Variants in FYB1 observed in about 807,000 individuals in gnomAD.
FYB1 encodes the protein FYN binding protein 1.
A neutral mutation model predicts 94.1 loss-of-function variants in FYB1; 41 were observed. That is an observed-to-expected ratio of 0.44 (90% CI 0.34 to 0.57). The LOEUF is 0.57. Ranked by LOEUF, FYB1 falls within the 20% of genes least tolerant of loss-of-function variation. The probability of loss-of-function intolerance (pLI) is 0.02; values close to 1 mark genes in which losing one functional copy is unlikely to be tolerated. For missense variants in FYB1, 1,050 were observed against 976.8 expected, an observed-to-expected ratio of 1.07 and a Z score of -1.00; for synonymous variants, 367 against 353.2, an observed-to-expected ratio of 1.04 and a Z score of -0.44.
chr5:39,146,086 T>C (rs1742625505), intron 3 of FYB1, among the ~76,000 whole-genome samples: 1 of 152,046 alleles, frequency 6.6e-6, no homozygotes, highest in Non-Finnish European at 1.5e-5. Flanking sequence ...GGCTAATTTT[T>C]GTATTTTTAA....
rs568059368 is a variant in FYB1 at position 39,182,272 on chromosome 5, TG to T, written c.1135+19553del. ...AGGTGGCACATACAAATGCTTTTTG[TG>T]TGTGTGTGCATGCATGTGTGTGTGT... is the stretch of plus-strand genomic sequence containing the variant. On this transcript the variant is annotated intron_variant, in intron 2 of 18. Coordinates refer to ENST00000512982, the MANE Select transcript of FYB1 (RefSeq NM_001465.6). Among the ~76,000 whole-genome samples the T allele has an allele frequency of 1.4e-4, 19 of 134,102 alleles. No homozygotes were observed. In the East Asian group the frequency reaches 2.8e-3, roughly 20 times the overall value. 88.0% of individuals were successfully genotyped at this position (134,102 alleles called of 152,430 possible). A position where few individuals can be genotyped will look rare whatever the true frequency, so the allele number is the denominator to read the frequency against.
Position 39,273,825 on chromosome 5 carries a change from A to C in FYB1, c.-28+578T>G, listed in dbSNP as rs1579824513. Among the ~76,000 whole-genome samples, 4 of 152,290 alleles carry C rather than the reference A, an allele frequency of 2.6e-5. No homozygotes were observed. The South Asian group carries it at 8.3e-4, about 32-fold the overall frequency. Reference sequence around the variant, plus strand: ...CTAGGGAAAACCAACTTCATTTTTTAAACTCATCTTGCAAGTAGATAAAGG... The same window carrying C: ...CTAGGGAAAACCAACTTCATTTTTTCAACTCATCTTGCAAGTAGATAAAGG... On this transcript the variant is annotated intron_variant, in intron 1 of 1. Transcript: ENST00000510188.
rs188967678 is a variant in FYB1, at chr5:39,107,232, A to T, written c.*211T>A. The stretch of plus-strand genomic sequence containing the variant: ...GAATATTTAATAATTCTTACATCTC[A>T]CTAATGTAGTCTTCTGAGTTAACAA... On this transcript the variant is annotated 3_prime_UTR_variant, in exon 19 of 19. Coordinates refer to ENST00000512982, the MANE Select transcript of FYB1 (RefSeq NM_001465.6). 38 of 359,408 alleles carry T rather than the reference A, an allele frequency of 1.1e-4. No individual in the cohort carries two copies. 22.3% of individuals were successfully genotyped at this position (359,408 alleles called of 1,614,324 possible).
At chr5:39,236,301 G>C (rs1274107735) in intron 1 of FYB1, among the ~76,000 whole-genome samples, 1 of 152,080 alleles carries the variant, frequency 6.6e-6, no homozygotes, top group Admixed American at 6.6e-5. Context: ...CCTGCTGGAT[G>C]TTCTGGACTT....
intron 2 of FYB1, among the ~76,000 whole-genome samples, chr5:39,190,624 G>A (rs774327167): frequency 1.3e-5 from 2 of 152,206 alleles, no homozygotes; most frequent in Non-Finnish European, 2.9e-5. Context: ...CTTGCTGCTT[G>A]TTAAATGGCT....
intron 2 of FYB1, among the ~76,000 whole-genome samples, chr5:39,162,111 TC>T (rs1221313959): frequency 6.6e-6 from 1 of 152,228 alleles, no homozygotes; most frequent in Non-Finnish European, 1.5e-5. Context: ...GTTGTTTCTA[TC>T]TTCTGCCTGT....
At chr5:39,146,300 C>T (rs1200401530) in intron 3 of FYB1, among the ~76,000 whole-genome samples, 1 of 152,144 alleles carries the variant, frequency 6.6e-6, no homozygotes, top group African/African-American at 2.4e-5. Flanking sequence ...CATTGCTTCT[C>T]TGCATCATCC....
intron 2 of FYB1, among the ~76,000 whole-genome samples, chr5:39,180,193 C>T (rs1307606780): frequency 6.6e-6 from 1 of 152,146 alleles, no homozygotes; most frequent in Non-Finnish European, 1.5e-5. Context: ...CAATGTTTGC[C>T]ATGTCCAGAA....
intron 1 of FYB1, among the ~76,000 whole-genome samples, chr5:39,207,900 C>T (rs10072172): frequency 0.058 from 8,871 of 152,176 alleles, 335 homozygotes; most frequent in Admixed American, 0.11. Flanking sequence ...CTGTCCTATA[C>T]GAGAGCCTCC....
At chr5:39,126,350 A>G (rs572038588) in intron 11 of FYB1, among the ~76,000 whole-genome samples, 4 of 151,630 alleles carry the variant, frequency 2.6e-5, no homozygotes, top group Admixed American at 2.6e-4. Flanking sequence ...TTTTTTTTCT[A>G]TCAAGTGAGA....
intron 1 of FYB1, among the ~76,000 whole-genome samples, chr5:39,208,542 G>C (rs1749062522): frequency 6.6e-6 from 1 of 152,026 alleles, no homozygotes; most frequent in African/African-American, 2.4e-5. Context: ...TCTTCTTATG[G>C]AACAAAATTT....
At chr5:39,262,516 A>AG (rs1464750017) in intron 1 of FYB1, among the ~76,000 whole-genome samples, 1 of 152,246 alleles carries the variant, frequency 6.6e-6, no homozygotes, top group Admixed American at 6.5e-5. Flanking sequence ...GGGATGATGT[A>AG]GAGAAATGGC....
At chr5:39,157,212 T>C (rs1743841118) in intron 2 of FYB1, among the ~76,000 whole-genome samples, 1 of 152,216 alleles carries the variant, frequency 6.6e-6, no homozygotes, top group South Asian at 2.1e-4. Flanking sequence ...CTTTCTGCTA[T>C]GCTCTACTGC....
intron 2 of FYB1, among the ~76,000 whole-genome samples, chr5:39,164,429 T>G (rs1561198682): frequency 6.6e-6 from 1 of 152,128 alleles, no homozygotes; most frequent in Non-Finnish European, 1.5e-5. Context: ...CGTTCTTTTT[T>G]TGTTGTTGTT....
Position 39,166,199 on chromosome 5 carries a change from G to A in FYB1, c.1136-12595C>T, listed in dbSNP as rs533141115. ...TGCCTCTAATCCCAGCACTTTGGGA[G>A]GCTGAGGCAAGCAGATCACCTGAGG... On this transcript the variant is annotated intron_variant, in intron 2 of 18. Coordinates refer to ENST00000512982, the MANE Select transcript of FYB1 (RefSeq NM_001465.6). Among the ~76,000 whole-genome samples the A allele has an allele frequency of 6.6e-5, 10 of 152,284 alleles. No individual in the cohort carries two copies. The East Asian group carries it at 1.9e-3, about 29-fold the overall frequency.
chr5:39,270,579 G>C (rs1406504847), intron 1 of FYB1: 1 of 1,535,112 alleles, frequency 6.5e-7, no homozygotes, highest in Admixed American at 2.0e-5. Context: ...CATTTTTATT[G>C]AAAAGAGTTG....
rs907577745 is a variant in FYB1 at position 39,268,545 on chromosome 5, T to G, written c.-28+5858A>C. On this transcript the variant is annotated intron_variant, in intron 1 of 1. Coordinates refer to the FYB1 transcript ENST00000510188. The stretch of plus-strand genomic sequence containing the variant: ...GACCATTATCTATATTTCTAAGAAG[T>G]TTTTTTTGAGAAATATGTGTTATTT... 2.0e-5 allele frequency among the ~76,000 whole-genome samples: 3 copies of G among 151,970 alleles called. No individual in the cohort carries two copies. The South Asian group carries it at 6.2e-4, about 32-fold the overall frequency.
chr5:39,257,982 G>A lies in FYB1; in HGVS notation c.-28+16421C>T, dbSNP rs151098412. ...TCTGGGTTTGGGAGATCTCAAACTT[G>A]AGCGTGCATCAGAATCACTGGGAAG... On this transcript the variant is annotated intron_variant, in intron 1 of 1. Transcript: ENST00000510188. 9.4e-4 allele frequency among the ~76,000 whole-genome samples: 143 copies of A among 152,286 alleles called. 1 individual carries two copies. Among genetic ancestry groups the A allele is most frequent in the African/African-American group, 3.3e-3 (138 of 41,552 alleles).
chr5:39,187,993 G>A (rs1032502825), intron 2 of FYB1, among the ~76,000 whole-genome samples: 1 of 152,190 alleles, frequency 6.6e-6, no homozygotes, highest in Non-Finnish European at 1.5e-5. Context: ...GAAAGAGGGA[G>A]AGGGTGGCAA....
Sources: gnomAD v4.1 joint callset for allele counts (sites outside exome capture counted in the v4.1 genomes callset) on GRCh38, gnomAD v4.1.1 for gene constraint, MANE v1.5 for transcripts, NCBI Gene and HGNC (gene_info 2026-07-23, HGNC 2026-07-21) for gene names.